Variants in MTMR8 observed in about 807,000 individuals in gnomAD.
MTMR8 encodes the protein myotubularin related protein 8.
In MTMR8, 65 loss-of-function variants were observed where a neutral mutation model predicts 39.3. The ratio of observed to expected loss-of-function variants is 1.65; its 90% CI spans 1.35 to 2.03. The LOEUF (loss-of-function observed/expected upper bound fraction) is 2.03. Among genes scored for constraint, MTMR8 ranks in the 30% most tolerant of loss-of-function variants. The pLI is 0.00. For synonymous variants in MTMR8, 245 were observed against 185.2 expected (o/e 1.32, Z -2.62); for missense variants, 777 against 538.9 (o/e 1.44, Z -4.37).
At chrX:64,304,533 T>C (rs1922013454) in intron 12 of MTMR8, among the ~76,000 whole-genome samples, 1 of 111,173 alleles carries the variant, frequency 9.0e-6, no homozygotes, top group Admixed American at 9.7e-5. Context: ...ATTTTCCTTT[T>C]ACTTATGTGG....
intron 6 of MTMR8, among the ~76,000 whole-genome samples, chrX:64,346,205 C>A (rs183437266): frequency 1.8e-5 from 2 of 111,232 alleles, no homozygotes; most frequent in African/African-American, 6.5e-5. Context: ...GGCCTATTTT[C>A]TCATCTCCCA....
chrX:64,314,120 G>C lies in MTMR8; in HGVS notation c.1481+14652C>G, dbSNP rs900145746. ...CTATCAAGCCTCTGCTTTGTTCTTT[G>C]GCTCCTTGAAATTATGAACCTGCTG... is the stretch of plus-strand genomic sequence containing the variant. On this transcript the variant is annotated intron_variant, in intron 12 of 13. Coordinates refer to ENST00000374852, the MANE Select transcript of MTMR8 (RefSeq NM_017677.4). Among the ~76,000 whole-genome samples, 6 of 112,318 alleles carry C rather than the reference G, an allele frequency of 5.3e-5. No individual in the cohort carries two copies. The South Asian group carries it at 2.2e-3, about 42-fold the overall frequency.
intron 12 of MTMR8, among the ~76,000 whole-genome samples, chrX:64,318,683 T>A (rs1265870552): frequency 9.3e-6 from 1 of 107,584 alleles, no homozygotes; most frequent in Admixed American, 1.0e-4. Flanking sequence ...CTAAAACTAG[T>A]TTGTTTGGTT....
intron 1 of MTMR8, among the ~76,000 whole-genome samples, chrX:64,372,719 C>A (rs1342003244): frequency 9.0e-6 from 1 of 111,344 alleles, no homozygotes; most frequent in Non-Finnish European, 1.9e-5. Flanking sequence ...GTTATCTAAC[C>A]ATTTACTCAC....
chrX:64,282,813 A>G (rs757425626), intron 12 of MTMR8, among the ~76,000 whole-genome samples: 2 of 111,901 alleles, frequency 1.8e-5, no homozygotes, highest in Admixed American at 9.5e-5. Flanking sequence ...TGCAAATCAT[A>G]TATCTAGTAA....
chrX:64,329,343 G>A (rs1922883914), intron 11 of MTMR8, among the ~76,000 whole-genome samples: 1 of 111,470 alleles, frequency 9.0e-6, no homozygotes, highest in Non-Finnish European at 1.9e-5. Flanking sequence ...TAAGTGATAG[G>A]TTCTATGGGG....
At chrX:64,383,970 G>T (rs941354919) in intron 1 of MTMR8, among the ~76,000 whole-genome samples, 4 of 111,463 alleles carry the variant, frequency 3.6e-5, no homozygotes, top group African/African-American at 1.3e-4. Flanking sequence ...AACAAGGTAG[G>T]TTCCTTCTAC....
At chrX:64,281,385 G>GA (rs761499205) in intron 12 of MTMR8, among the ~76,000 whole-genome samples, 79 of 111,368 alleles carry the variant, frequency 7.1e-4, no homozygotes, top group African/African-American at 2.5e-3. Flanking sequence ...CTAGATCTCA[G>GA]AAAAAACACC....
intron 6 of MTMR8, among the ~76,000 whole-genome samples, chrX:64,347,809 C>T (rs1923383148): frequency 8.9e-6 from 1 of 112,332 alleles, no homozygotes; most frequent in Admixed American, 9.4e-5. Flanking sequence ...AGTTCTTCTA[C>T]AGCCCATATA....
chrX:64,288,761 C>T (rs1024593084), intron 12 of MTMR8, among the ~76,000 whole-genome samples: 2 of 110,510 alleles, frequency 1.8e-5, no homozygotes, highest in African/African-American at 6.6e-5. Context: ...AGCAAACTAT[C>T]GCAAGGACAA....
intron 4 of MTMR8, 32 bp downstream of exon 4, chrX:64,354,745 C>T: frequency 8.7e-7 from 1 of 1,143,304 alleles, no homozygotes; most frequent in Non-Finnish European, 1.2e-6. Flanking sequence ...TAATTAAATG[C>T]ACCAAAAGGC....
intron 12 of MTMR8, among the ~76,000 whole-genome samples, chrX:64,319,526 T>C (rs906902839): frequency 8.0e-5 from 9 of 112,366 alleles, no homozygotes; most frequent in African/African-American, 2.9e-4. Context: ...CTAGGGTTTT[T>C]ATGGTTTTAG....
intron 12 of MTMR8, among the ~76,000 whole-genome samples, chrX:64,320,681 A>C (rs1451148996): frequency 9.0e-6 from 1 of 110,701 alleles, no homozygotes; most frequent in Non-Finnish European, 1.9e-5. Context: ...TGAGAAAAAA[A>C]ATGCTCTGGA....
intron 1 of MTMR8, among the ~76,000 whole-genome samples, chrX:64,367,304 A>C (rs952619275): frequency 1.8e-5 from 2 of 111,758 alleles, no homozygotes; most frequent in African/African-American, 6.5e-5. Flanking sequence ...GAGACACAAC[A>C]AAAAAAGAGA....
At chrX:64,376,023 C>T (rs1924259320) in intron 1 of MTMR8, among the ~76,000 whole-genome samples, 1 of 111,796 alleles carries the variant, frequency 8.9e-6, no homozygotes, top group Admixed American at 9.5e-5. Context: ...TGAAGATGTG[C>T]CTACTTCCCC....
chrX:64,328,721 T>C, intron 12 of MTMR8, 51 bp downstream of exon 12: 2 of 1,103,447 alleles, frequency 1.8e-6, no homozygotes, highest in Non-Finnish European at 2.4e-6. Flanking sequence ...GCAAGGAAGC[T>C]GAGACCCTGG....
intron 12 of MTMR8, among the ~76,000 whole-genome samples, chrX:64,284,292 C>G (rs981973326): frequency 9.0e-6 from 1 of 111,469 alleles, no homozygotes; most frequent in Non-Finnish European, 1.9e-5. Flanking sequence ...TAAAAAGAAA[C>G]GAATAAAGCC....
intron 2 of MTMR8, among the ~76,000 whole-genome samples, chrX:64,358,274 G>T (rs755551410): frequency 9.0e-6 from 1 of 111,678 alleles, no homozygotes; most frequent in Admixed American, 9.5e-5. Flanking sequence ...GCTTAGTCTA[G>T]CCCAGTTCTC....
chrX:64,270,849 C>G, intron 13 of MTMR8, 98 bp downstream of exon 13: 2 of 997,252 alleles, frequency 2.0e-6, no homozygotes, highest in Non-Finnish European at 2.7e-6. Context: ...ATAAAAAAGC[C>G]AGCCAGTCAG....
Sources: allele counts gnomAD v4.1 joint callset (sites outside exome capture counted in the v4.1 genomes callset), GRCh38; gene constraint gnomAD v4.1.1; transcripts MANE v1.5; gene names NCBI Gene and HGNC (gene_info 2026-07-23, HGNC 2026-07-21).